Variants in HS6ST3 observed in about 807,000 individuals in gnomAD.
HS6ST3 encodes the protein heparan-sulfate 6-O-sulfotransferase 3.
Under a neutral mutation model 36.7 loss-of-function variants are expected in HS6ST3, and 12 were observed. The observed-to-expected ratio is 0.33, with a 90% confidence interval of 0.21 to 0.53. The LOEUF (loss-of-function observed/expected upper bound fraction) is 0.53. Ranked by LOEUF, HS6ST3 falls within the 20% of genes least tolerant of loss-of-function variation. The pLI is 0.95. For missense variants in HS6ST3, 584 were observed against 640.9 expected (o/e 0.91, Z 0.96); for synonymous variants, 240 against 257.5 (o/e 0.93, Z 0.65).
Position 96,468,522 on chromosome 13 carries a change from A to G in HS6ST3, c.708-363968A>G, listed in dbSNP as rs865859570. Among the ~76,000 whole-genome samples the G allele has an allele frequency of 3.3e-5, 5 of 150,036 alleles. No individual in the cohort carries two copies. The South Asian group carries it at 8.3e-4, about 25-fold the overall frequency. On this transcript the variant is annotated intron_variant, in intron 1 of 1. Transcript: ENST00000376705. ...CACACACACACACACACACTCCATA[A>G]TATTATCAATTCTGTCTTCTTTTTC... is the stretch of plus-strand genomic sequence containing the variant.
chr13:96,490,253 TG>T (rs1364851807), intron 1 of HS6ST3, among the ~76,000 whole-genome samples: 1 of 152,162 alleles, frequency 6.6e-6, no homozygotes, highest in Non-Finnish European at 1.5e-5. Flanking sequence ...ATTCTAGAAC[TG>T]TTACATGTTT....
At position 96,332,964 on chromosome 13, in the gene HS6ST3, A is replaced by C. The variant is rs150883471; in HGVS notation, c.707+241395A>C. 5.6e-3 allele frequency among the ~76,000 whole-genome samples: 851 copies of C among 152,338 alleles called. 26 individuals carry two copies. The highest frequency in any genetic ancestry group is 0.043 in the Admixed American group (662 of 15,306). On this transcript the variant is annotated intron_variant, in intron 1 of 1. Coordinates refer to ENST00000376705, the MANE Select transcript of HS6ST3 (RefSeq NM_153456.4). ...CAGCCTTTCCACCAGGTGAGAACTCACAGAGAAGATGCCATCTATGGTCTA... is the reference window on the plus strand; with the variant it reads ...CAGCCTTTCCACCAGGTGAGAACTCCCAGAGAAGATGCCATCTATGGTCTA...
intron 1 of HS6ST3, among the ~76,000 whole-genome samples, chr13:96,562,420 A>T (rs1414264471): frequency 6.6e-6 from 1 of 152,168 alleles, no homozygotes; most frequent in African/African-American, 2.4e-5. Context: ...TACTATGCTC[A>T]GTACCTGGGT....
At chr13:96,172,183 A>G (rs1290820463) in intron 1 of HS6ST3, among the ~76,000 whole-genome samples, 1 of 152,258 alleles carries the variant, frequency 6.6e-6, no homozygotes, top group African/African-American at 2.4e-5. Flanking sequence ...TTGAAATCAT[A>G]TTGGACGCCC....
chr13:96,361,381 T>C (rs1485937219), intron 1 of HS6ST3, among the ~76,000 whole-genome samples: 1 of 152,210 alleles, frequency 6.6e-6, no homozygotes, highest in Non-Finnish European at 1.5e-5. Flanking sequence ...TTCTGAATAA[T>C]GTGTAATAGA....
intron 1 of HS6ST3, among the ~76,000 whole-genome samples, chr13:96,631,732 C>A (rs1167212340): frequency 1.3e-5 from 2 of 152,190 alleles, no homozygotes; most frequent in African/African-American, 2.4e-5. Flanking sequence ...AGTAATATTG[C>A]AAAATTCTCA....
chr13:96,132,177 G>A (rs1238664509), intron 1 of HS6ST3, among the ~76,000 whole-genome samples: 10 of 144,406 alleles, frequency 6.9e-5, no homozygotes, highest in South Asian at 2.2e-4. Context: ...CACACAGAGC[G>A]CATTTTCTTT....
rs59107741 is a variant in HS6ST3 at position 96,112,578 on chromosome 13, A to AATAT, written c.707+21050_707+21053dup. Among the ~76,000 whole-genome samples, 234 of 81,106 alleles carry AATAT rather than the reference A, an allele frequency of 2.9e-3. 1 individual carries two copies. The highest frequency in any genetic ancestry group is 6.0e-3 in the Middle Eastern group (1 of 166). 53.2% of individuals were successfully genotyped at this position (81,106 alleles called of 152,430 possible). On this transcript the variant is annotated intron_variant, in intron 1 of 1. Coordinates refer to ENST00000376705, the MANE Select transcript of HS6ST3 (RefSeq NM_153456.4). ...TAAAACCCCATCTCTAAAATAAATA[A>AATAT]ATATATATATATATATATATATATA...
chr13:96,136,848 C>G (rs931737926), intron 1 of HS6ST3, among the ~76,000 whole-genome samples: 1 of 151,676 alleles, frequency 6.6e-6, no homozygotes, highest in Non-Finnish European at 1.5e-5. Flanking sequence ...AGAAGAAATC[C>G]TTTCTCCTCA....
At chr13:96,105,755 C>G (rs570556748) in intron 1 of HS6ST3, among the ~76,000 whole-genome samples, 82 of 152,254 alleles carry the variant, frequency 5.4e-4, no homozygotes, top group African/African-American at 1.9e-3. Flanking sequence ...CTATTGCTAA[C>G]TAGATTGATT....
Position 96,091,576 on chromosome 13 carries a change from T to A in HS6ST3, c.707+7T>A. 6.4e-7 allele frequency: 1 copy of A among 1,559,852 alleles called. No individual in the cohort carries two copies. Among genetic ancestry groups the A allele is most frequent in the Non-Finnish European group, 8.6e-7 (1 of 1,159,032 alleles). ...GCAACCACAGCCACACCAGGTACTG[T>A]CGCCCGCTGGGTCTCTGTTCTTCCC... On this transcript the variant is annotated splice_region_variant and intron_variant, in intron 1 of 1. Transcript: ENST00000376705.
At chr13:96,342,134 A>G (rs1285228598) in intron 1 of HS6ST3, among the ~76,000 whole-genome samples, 7 of 152,210 alleles carry the variant, frequency 4.6e-5, no homozygotes, top group Admixed American at 3.9e-4. Flanking sequence ...GATCTATGAT[A>G]AAAATAATAT....
chr13:96,817,176 G>C (rs1037343361), intron 1 of HS6ST3, among the ~76,000 whole-genome samples: 2 of 152,162 alleles, frequency 1.3e-5, no homozygotes, highest in East Asian at 3.9e-4. Context: ...TGGCTGTTTG[G>C]GGGGTGCACG....
chr13:96,341,260 G>A, intron 1 of HS6ST3, among the ~76,000 whole-genome samples: 1 of 150,998 alleles, frequency 6.6e-6, no homozygotes, highest in East Asian at 1.9e-4. Context: ...TAAAAAATAT[G>A]TTAAACTTGA....
chr13:96,494,139 G>A (rs2055960663), intron 1 of HS6ST3, among the ~76,000 whole-genome samples: 1 of 151,996 alleles, frequency 6.6e-6, no homozygotes, highest in African/African-American at 2.4e-5. Context: ...AGAAGTGTCT[G>A]TTCATATCCT....
intron 1 of HS6ST3, among the ~76,000 whole-genome samples, chr13:96,660,281 T>C (rs925465914): frequency 6.6e-5 from 10 of 152,130 alleles, no homozygotes; most frequent in Non-Finnish European, 1.5e-4. Context: ...CCCAGGATTA[T>C]TTTAAAAATA....
chr13:96,665,884 G>T (rs529815419), intron 1 of HS6ST3, among the ~76,000 whole-genome samples: 3 of 152,160 alleles, frequency 2.0e-5, no homozygotes, highest in Non-Finnish European at 2.9e-5. Context: ...CACAGGACTT[G>T]ATTGGCCCAA....
At chr13:96,448,087 T>C (rs979583885) in intron 1 of HS6ST3, among the ~76,000 whole-genome samples, 3 of 152,196 alleles carry the variant, frequency 2.0e-5, no homozygotes, top group African/African-American at 7.2e-5. Context: ...ATGGTATAGT[T>C]ATTGCAGCTG....
intron 1 of HS6ST3, among the ~76,000 whole-genome samples, chr13:96,180,458 T>C (rs1447313127): frequency 6.6e-6 from 1 of 152,164 alleles, no homozygotes; most frequent in African/African-American, 2.4e-5. Context: ...GAAAAAAAGC[T>C]TTTATTCATA....
Sources: allele counts gnomAD v4.1 joint callset (sites outside exome capture counted in the v4.1 genomes callset), GRCh38; gene constraint gnomAD v4.1.1; transcripts MANE v1.5; gene names NCBI Gene and HGNC (gene_info 2026-07-23, HGNC 2026-07-21).